Variants in SUMF1 observed in about 807,000 individuals in gnomAD.
SUMF1 encodes the protein sulfatase modifying factor 1.
A neutral mutation model predicts 47.6 loss-of-function variants in SUMF1; 48 were observed. The ratio of observed to expected loss-of-function variants is 1.01; its 90% CI spans 0.80 to 1.28. SUMF1 has a LOEUF of 1.28. SUMF1 is among the 50% of genes most tolerant of loss of function. The pLI is 0.00. For missense variants in SUMF1, 571 were observed against 485.4 expected, an observed-to-expected ratio of 1.18 and a Z score of -1.66; for synonymous variants, 230 against 192.1, an observed-to-expected ratio of 1.20 and a Z score of -1.63.
intron 8 of SUMF1, among the ~76,000 whole-genome samples, chr3:4,204,247 A>G (rs1462313855): frequency 6.6e-6 from 1 of 152,062 alleles, no homozygotes; most frequent in African/African-American, 2.4e-5. Flanking sequence ...AGGATATTCA[A>G]ATACATACAA....
At chr3:4,213,998 C>T (rs137972679) in intron 8 of SUMF1, among the ~76,000 whole-genome samples, 16 of 152,198 alleles carry the variant, frequency 1.1e-4, no homozygotes, top group Admixed American at 9.2e-4. Flanking sequence ...TTAGACAGAT[C>T]GATGAGACAG....
intron 7 of SUMF1, among the ~76,000 whole-genome samples, chr3:4,402,089 T>C (rs1701231228): frequency 6.6e-6 from 1 of 152,118 alleles, no homozygotes; most frequent in Non-Finnish European, 1.5e-5. Context: ...ACTTTGGGTA[T>C]GGAAAAGTCA....
At chr3:4,206,271 C>A (rs1695651235) in intron 8 of SUMF1, among the ~76,000 whole-genome samples, 1 of 151,870 alleles carries the variant, frequency 6.6e-6, no homozygotes, top group African/African-American at 2.4e-5. Flanking sequence ...AGCTGTATCT[C>A]ACTGAGTCAT....
intron 8 of SUMF1, among the ~76,000 whole-genome samples, chr3:4,284,691 A>G (rs1204791824): frequency 6.6e-6 from 1 of 152,092 alleles, no homozygotes; most frequent in African/African-American, 2.4e-5. Context: ...AGCGTCAACA[A>G]TTACTTCAAA....
At chr3:4,188,341 T>G (rs1322929623) in intron 8 of SUMF1, among the ~76,000 whole-genome samples, 1 of 152,022 alleles carries the variant, frequency 6.6e-6, no homozygotes, top group African/African-American at 2.4e-5. Context: ...ACTCTTGGTA[T>G]TATACATTCT....
At chr3:4,271,199 T>G (rs968905189) in intron 8 of SUMF1, among the ~76,000 whole-genome samples, 2 of 152,176 alleles carry the variant, frequency 1.3e-5, no homozygotes, top group African/African-American at 4.8e-5. Flanking sequence ...GAAAAGTTTT[T>G]AACTCCTGAA....
downstream of SUMF1, among the ~76,000 whole-genome samples, chr3:4,358,658 A>G (rs535753170): frequency 3.3e-5 from 5 of 152,346 alleles, no homozygotes; most frequent in Non-Finnish European, 7.3e-5. Context: ...TAGTGCATCT[A>G]GTGATTTATT....
intron 8 of SUMF1, among the ~76,000 whole-genome samples, chr3:4,101,732 G>T (rs1559471349): frequency 6.6e-6 from 1 of 152,142 alleles, no homozygotes; most frequent in Non-Finnish European, 1.5e-5. Context: ...TAGTTCTAGA[G>T]TGGATCCACA....
intron 8 of SUMF1, among the ~76,000 whole-genome samples, chr3:4,165,993 C>G (rs1174580924): frequency 1.3e-5 from 2 of 151,990 alleles, no homozygotes; most frequent in African/African-American, 4.8e-5. Context: ...CCCTGCTGAT[C>G]AGAATAGTTG....
At chr3:4,200,281 G>C (rs1031317001) in intron 8 of SUMF1, among the ~76,000 whole-genome samples, 2 of 151,786 alleles carry the variant, frequency 1.3e-5, no homozygotes, top group African/African-American at 4.8e-5. Context: ...TTATTTCTGG[G>C]TGTGTCTGTT....
At chr3:4,147,523 T>C (rs1035185617) in intron 8 of SUMF1, among the ~76,000 whole-genome samples, 1 of 152,180 alleles carries the variant, frequency 6.6e-6, no homozygotes, top group Non-Finnish European at 1.5e-5. Context: ...TGCTAGCAGA[T>C]GCTTGGTACC....
intron 8 of SUMF1, among the ~76,000 whole-genome samples, chr3:4,211,800 G>C (rs936156879): frequency 2.0e-5 from 3 of 152,182 alleles, no homozygotes; most frequent in Non-Finnish European, 2.9e-5. Flanking sequence ...TATGCTCATA[G>C]TGTAAACAAA....
intron 8 of SUMF1, among the ~76,000 whole-genome samples, chr3:4,299,464 T>C (rs1041634136): frequency 7.2e-5 from 11 of 152,200 alleles, no homozygotes; most frequent in Admixed American, 2.0e-4. Flanking sequence ...GTGGTAGATG[T>C]TTCAAGTACC....
At chr3:4,304,939 G>A (rs1029665755) in intron 8 of SUMF1, among the ~76,000 whole-genome samples, 1 of 151,312 alleles carries the variant, frequency 6.6e-6, no homozygotes, top group Admixed American at 6.6e-5. Context: ...ATGTACATGG[G>A]TTTGGTTCAG....
intron 8 of SUMF1, among the ~76,000 whole-genome samples, chr3:4,205,799 A>C (rs1230005652): frequency 1.3e-5 from 2 of 151,970 alleles, no homozygotes; most frequent in African/African-American, 4.8e-5. Flanking sequence ...CTTCACGCTG[A>C]CCTACCTGGA....
chr3:4,253,460 G>A (rs565505902), intron 8 of SUMF1, among the ~76,000 whole-genome samples: 165 of 152,312 alleles, frequency 1.1e-3, no homozygotes, highest in Non-Finnish European at 1.0e-3. Flanking sequence ...GAAGCACAAG[G>A]GGTCAGGGAG....
rs1163844793 is a variant in SUMF1 at position 4,303,221 on chromosome 3, A to T, written c.1014+73109T>A. The T allele has an allele frequency of 2.4e-5, 18 of 750,068 alleles. No homozygotes were observed. The South Asian group carries it at 4.2e-4, about 18-fold the overall frequency. The allele number at this position is 750,068 out of a possible 1,614,324, so 46.5% of individuals were successfully genotyped here. A position where few individuals can be genotyped will look rare whatever the true frequency, so the allele number is the denominator to read the frequency against. ...ATCAAAACGGGAGCCAGACCCAAAA[A>T]GTCAAGGAAGGGAAGCGCCTTCCAG... On this transcript the variant is annotated intron_variant and NMD_transcript_variant, in intron 8 of 12. Coordinates refer to the SUMF1 transcript ENST00000448413.
At chr3:4,092,633 GA>G (rs1221253670) in intron 8 of SUMF1, among the ~76,000 whole-genome samples, 1 of 152,006 alleles carries the variant, frequency 6.6e-6, no homozygotes, top group Non-Finnish European at 1.5e-5. Context: ...GAAAAACAAC[GA>G]AAGTGACCAA....
At chr3:4,304,309 T>G (rs1240644553) in intron 8 of SUMF1, among the ~76,000 whole-genome samples, 1 of 152,054 alleles carries the variant, frequency 6.6e-6, no homozygotes, top group Non-Finnish European at 1.5e-5. Flanking sequence ...GCCCGGCTAA[T>G]TTTTGTATTT....
Sources: allele counts gnomAD v4.1 joint callset (sites outside exome capture counted in the v4.1 genomes callset), GRCh38; gene constraint gnomAD v4.1.1; transcripts MANE v1.5; gene names NCBI Gene and HGNC (gene_info 2026-07-23, HGNC 2026-07-21).